Variants in FHIT observed in about 807,000 individuals in gnomAD.
FHIT encodes the protein bis(5'-adenosyl)-triphosphatase.
A neutral mutation model predicts 17.9 loss-of-function variants in FHIT; 19 were observed. That is an observed-to-expected ratio of 1.06 (90% CI 0.74 to 1.56). The LOEUF is 1.56. Among genes scored for constraint, FHIT ranks in the 40% most tolerant of loss-of-function variants. The pLI is 0.00. For missense variants in FHIT, 248 were observed against 189.2 expected, an observed-to-expected ratio of 1.31 and a Z score of -1.82; for synonymous variants, 81 against 69.7, an observed-to-expected ratio of 1.16 and a Z score of -0.81.
At chr3:61,093,180 G>A (rs2035538825) in intron 2 of FHIT, among the ~76,000 whole-genome samples, 1 of 152,060 alleles carries the variant, frequency 6.6e-6, no homozygotes, top group African/African-American at 2.4e-5. Context: ...TGCATGGAAG[G>A]GTCTTGACAC....
intron 2 of FHIT, among the ~76,000 whole-genome samples, chr3:61,046,467 A>G (rs914243426): frequency 6.6e-6 from 1 of 152,222 alleles, no homozygotes; most frequent in Non-Finnish European, 1.5e-5. Flanking sequence ...GAATAGACCA[A>G]TAACAGGCTC....
chr3:60,291,239 C>G (rs1434990300), intron 5 of FHIT, among the ~76,000 whole-genome samples: 1 of 151,976 alleles, frequency 6.6e-6, no homozygotes, highest in Non-Finnish European at 1.5e-5. Context: ...TTATAGATAC[C>G]TGGTGAGGAG....
At chr3:60,277,301 C>T (rs924932127) in intron 5 of FHIT, among the ~76,000 whole-genome samples, 1 of 152,024 alleles carries the variant, frequency 6.6e-6, no homozygotes, top group Middle Eastern at 3.2e-3. Context: ...TGGAGTCCTC[C>T]GTAAGGTTTT....
At chr3:59,973,021 T>C (rs1708256563) in intron 7 of FHIT, among the ~76,000 whole-genome samples, 1 of 152,100 alleles carries the variant, frequency 6.6e-6, no homozygotes, top group Non-Finnish European at 1.5e-5. Flanking sequence ...AACTCTTCCA[T>C]GAACCTCAGC....
At chr3:60,934,049 C>T (rs1553772515) in intron 3 of FHIT, among the ~76,000 whole-genome samples, 1 of 152,142 alleles carries the variant, frequency 6.6e-6, no homozygotes, top group Non-Finnish European at 1.5e-5. Context: ...GCCTTAATCT[C>T]CAACTTGTCA....
intron 5 of FHIT, among the ~76,000 whole-genome samples, chr3:60,135,727 A>G (rs909854636): frequency 2.6e-5 from 4 of 152,294 alleles, no homozygotes; most frequent in Middle Eastern, 3.4e-3. Flanking sequence ...AGGACATAGC[A>G]GAGACTCCAA....
chr3:60,993,018 C>A (rs759920259), intron 3 of FHIT, among the ~76,000 whole-genome samples: 2 of 152,100 alleles, frequency 1.3e-5, no homozygotes, highest in African/African-American at 2.4e-5. Flanking sequence ...TTAAAAAATG[C>A]TTTTAAGCTA....
At chr3:60,369,538 T>C (rs1011244144) in intron 5 of FHIT, among the ~76,000 whole-genome samples, 1 of 152,206 alleles carries the variant, frequency 6.6e-6, no homozygotes, top group Non-Finnish European at 1.5e-5. Flanking sequence ...CCTTAACATA[T>C]TGAGTATTTT....
At chr3:60,785,055 C>A (rs1285573345) in intron 4 of FHIT, among the ~76,000 whole-genome samples, 1 of 152,156 alleles carries the variant, frequency 6.6e-6, no homozygotes, top group Non-Finnish European at 1.5e-5. Flanking sequence ...AGAGCCCCTA[C>A]CAGCCCCTGT....
intron 5 of FHIT, among the ~76,000 whole-genome samples, chr3:60,498,593 A>C (rs1576764205): frequency 6.6e-6 from 1 of 152,202 alleles, no homozygotes; most frequent in African/African-American, 2.4e-5. Flanking sequence ...GTTATTCGAC[A>C]ACCTAATGAT....
At chr3:60,298,764 T>C (rs1045342116) in intron 5 of FHIT, among the ~76,000 whole-genome samples, 2 of 152,182 alleles carry the variant, frequency 1.3e-5, no homozygotes, top group Non-Finnish European at 2.9e-5. Context: ...TGAAATTAGA[T>C]AATTTAAACT....
At chr3:60,870,736 CTG>C (rs782640725) in intron 3 of FHIT, among the ~76,000 whole-genome samples, 3 of 152,160 alleles carry the variant, frequency 2.0e-5, no homozygotes, top group Non-Finnish European at 2.9e-5. Context: ...TCCCACTAGT[CTG>C]TGCAGTGGGC....
At chr3:59,762,778 G>C (rs1034904019) in intron 8 of FHIT, among the ~76,000 whole-genome samples, 1 of 152,152 alleles carries the variant, frequency 6.6e-6, no homozygotes, top group Non-Finnish European at 1.5e-5. Flanking sequence ...GGAATTAATC[G>C]CTGATCACCA....
chr3:61,217,560 T>C (rs1292475130), intron 1 of FHIT, among the ~76,000 whole-genome samples: 1 of 152,144 alleles, frequency 6.6e-6, no homozygotes, highest in African/African-American at 2.4e-5. Context: ...CCATTTACAC[T>C]GCACTCCACT....
intron 7 of FHIT, among the ~76,000 whole-genome samples, chr3:60,006,498 T>G (rs560510913): frequency 3.3e-5 from 5 of 152,276 alleles, no homozygotes; most frequent in Admixed American, 2.0e-4. Flanking sequence ...AGGGCCATGA[T>G]GTGGCAGGGC....
At chr3:60,218,204 C>T (rs1576324460) in intron 5 of FHIT, among the ~76,000 whole-genome samples, 1 of 152,048 alleles carries the variant, frequency 6.6e-6, no homozygotes. Context: ...AGTTTAAGAA[C>T]CACTGAATAA....
At chr3:61,036,039 T>G (rs1413091087) in intron 3 of FHIT, among the ~76,000 whole-genome samples, 2 of 152,236 alleles carry the variant, frequency 1.3e-5, no homozygotes, top group Non-Finnish European at 2.9e-5. Flanking sequence ...AAGAACTACC[T>G]GAGACTGGGT....
chr3:61,087,010 C>T (rs1281279233), intron 2 of FHIT, among the ~76,000 whole-genome samples: 8 of 152,122 alleles, frequency 5.3e-5, no homozygotes, highest in African/African-American at 1.9e-4. Flanking sequence ...ATTCCCAAAT[C>T]AGTGCTTTTG....
At chr3:60,615,374 C>A (rs1177444458) in intron 4 of FHIT, among the ~76,000 whole-genome samples, 5 of 152,192 alleles carry the variant, frequency 3.3e-5, no homozygotes, top group Admixed American at 3.3e-4. Flanking sequence ...AAACGTGATT[C>A]CGTGGGCTGA....
Sources: allele counts gnomAD v4.1 joint callset (sites outside exome capture counted in the v4.1 genomes callset), GRCh38; gene constraint gnomAD v4.1.1; transcripts MANE v1.5; gene names NCBI Gene and HGNC (gene_info 2026-07-23, HGNC 2026-07-21).